The following ARVCF variants were observed in gnomAD, a reference collection of about 807,000 sequenced individuals.
ARVCF encodes the protein ARVCF delta catenin family member.
ARVCF carries 66 observed loss-of-function variants against 90.9 expected under a neutral mutation model. The observed-to-expected ratio is 0.73, with a 90% CI of 0.60 to 0.89. The LOEUF (loss-of-function observed/expected upper bound fraction) is 0.89. Ranked by LOEUF, ARVCF falls within the 40% of genes least tolerant of loss-of-function variation. ARVCF has a pLI of 0.00. For missense variants in ARVCF, 1,469 were observed against 1,382.3 expected, an observed-to-expected ratio of 1.06 and a Z score of -1.00; for synonymous variants, 653 against 603.4, an observed-to-expected ratio of 1.08 and a Z score of -1.21.
downstream of ARVCF, among the ~76,000 whole-genome samples, chr22:19,968,358 C>G (rs764015642): frequency 6.6e-6 from 1 of 152,210 alleles, no homozygotes; most frequent in South Asian, 2.1e-4. Context: ...AGGTGGCACC[C>G]AAGTCTTGTA....
chr22:19,995,235 G>A (rs970945202), intron 2 of ARVCF, among the ~76,000 whole-genome samples: 2 of 152,010 alleles, frequency 1.3e-5, no homozygotes, highest in Non-Finnish European at 2.9e-5. Flanking sequence ...TGGCTAGTTG[G>A]ATGGGAAGGT....
chr22:20,016,080 C>G (rs1945107720), intron 1 of ARVCF, among the ~76,000 whole-genome samples: 1 of 152,138 alleles, frequency 6.6e-6, no homozygotes, highest in Non-Finnish European at 1.5e-5. Flanking sequence ...CTCTCTCACC[C>G]CCGAGGCGGC....
chr22:19,967,076 C>T (rs1428696713), downstream of ARVCF: 26 of 1,225,622 alleles, frequency 2.1e-5, no homozygotes, highest in Non-Finnish European at 2.5e-5. Context: ...TGACCAGTTT[C>T]GTAAAGGAGT....
Position 19,973,255 on chromosome 22 carries a change from C to T in ARVCF, c.2302G>A (p.Gly768Arg), listed in dbSNP as rs1397988268. Residue 768 changes from glycine (G) to arginine (R), a missense_variant, in exon 14 of 20, where the codon GGG becomes AGG. Transcript: ENST00000263207. ...ACGGTGTCTTCCTCCAGGCAGGCCC[C>T]CGGTCGCGGCGGAGCCTGTGCATTG... is the stretch of plus-strand genomic sequence containing the variant. ...VRNAQAPPRP[G>R]ACLEEDTVVA... 1.2e-6 allele frequency: 2 copies of T among 1,609,592 alleles called. No homozygotes were observed. The highest frequency in any genetic ancestry group is 1.7e-5 in the Admixed American group (1 of 59,772).
intron 2 of ARVCF, among the ~76,000 whole-genome samples, chr22:19,992,169 G>T (rs1944053536): frequency 6.6e-6 from 1 of 152,210 alleles, no homozygotes; most frequent in African/African-American, 2.4e-5. Flanking sequence ...CGACAGCTGG[G>T]AAAACAGGCC....
chr22:20,006,166 T>G (rs1944617640), intron 2 of ARVCF, among the ~76,000 whole-genome samples: 1 of 152,204 alleles, frequency 6.6e-6, no homozygotes, highest in Admixed American at 6.5e-5. Flanking sequence ...AAAAAAGTTC[T>G]GAAATTGGTT....
chr22:19,995,463 G>A (rs982471468), intron 2 of ARVCF, among the ~76,000 whole-genome samples: 21 of 152,178 alleles, frequency 1.4e-4, no homozygotes, highest in African/African-American at 4.8e-4. Context: ...GCCCCGGCCC[G>A]CAAACCCTCT....
chr22:20,007,069 C>T (rs1387016450), intron 2 of ARVCF, among the ~76,000 whole-genome samples: 1 of 151,536 alleles, frequency 6.6e-6, no homozygotes, highest in Non-Finnish European at 1.5e-5. Context: ...ACCTGGGCAA[C>T]ATGGCACAAC....
chr22:19,978,169 G>A lies in ARVCF; in HGVS notation c.1581-94C>T, dbSNP rs1943269904. The A allele has an allele frequency of 1.6e-5, 18 of 1,128,390 alleles. No homozygotes were observed. The East Asian group carries it at 4.5e-4, about 28-fold the overall frequency. The allele number at this position is 1,128,390 out of a possible 1,614,324, so 69.9% of individuals were successfully genotyped here. A position where few individuals can be genotyped will look rare whatever the true frequency, so the allele number is the denominator to read the frequency against. On this transcript the variant is annotated intron_variant, in intron 7 of 19. Coordinates refer to ENST00000263207, the MANE Select transcript of ARVCF (RefSeq NM_001670.3). ...TGGGCTTGTCTTCATCTGCAAAATA[G>A]GCCCTGCTGCTGCCCTCCTAGCACT...
chr22:19,993,498 G>T (rs1944107889), intron 2 of ARVCF, among the ~76,000 whole-genome samples: 1 of 152,216 alleles, frequency 6.6e-6, no homozygotes, highest in African/African-American at 2.4e-5. Context: ...GAGGGCCCTG[G>T]GGGAAGGCTA....
chr22:19,966,779 C>CT (rs1942421955), downstream of ARVCF, among the ~76,000 whole-genome samples: 4 of 149,062 alleles, frequency 2.7e-5, no homozygotes, highest in South Asian at 8.5e-4. Flanking sequence ...GTCTCTCGCT[C>CT]TGTCGCCCAG....
Position 19,977,874 on chromosome 22 carries a change from G to A in ARVCF, c.1698+84C>T, listed in dbSNP as rs749738414. 6 of 1,443,482 alleles carry A rather than the reference G, an allele frequency of 4.2e-6. No homozygotes were observed. In the Admixed American group the frequency reaches 1.2e-4, roughly 30 times the overall value. 89.4% of individuals were successfully genotyped at this position (1,443,482 alleles called of 1,614,324 possible). ...CAGACCCACAAGCCCATTCCCCTGT[G>A]CTGCTCCCACAGTTCCAGCCTCCTG... On this transcript the variant is annotated intron_variant, in intron 8 of 19. Coordinates refer to ENST00000263207, the MANE Select transcript of ARVCF (RefSeq NM_001670.3).
intron 2 of ARVCF, among the ~76,000 whole-genome samples, chr22:19,999,970 G>A (rs1944387778): frequency 6.6e-6 from 1 of 152,188 alleles, no homozygotes; most frequent in Non-Finnish European, 1.5e-5. Context: ...GCACTGGAAG[G>A]GGCAGAACGA....
At chr22:19,985,533 G>C (rs888503893) in intron 3 of ARVCF, among the ~76,000 whole-genome samples, 2 of 152,266 alleles carry the variant, frequency 1.3e-5, no homozygotes, top group Non-Finnish European at 2.9e-5. Context: ...AGGTGAGAAG[G>C]ACAGAGGGGG....
At chr22:19,988,914 T>C (rs1023696077) in intron 3 of ARVCF, among the ~76,000 whole-genome samples, 1 of 151,884 alleles carries the variant, frequency 6.6e-6, no homozygotes, top group African/African-American at 2.4e-5. Context: ...TAGCCTGAGG[T>C]CTTGAAGTCT....
Position 19,973,277 on chromosome 22 carries a change from A to G in ARVCF, c.2280T>C (p.Asn760=), listed in dbSNP as rs1253358948. Residue 760 remains asparagine, a synonymous_variant, in exon 14 of 20, where the codon AAT becomes AAC. Coordinates refer to ENST00000263207, the MANE Select transcript of ARVCF (RefSeq NM_001670.3). The part of the protein sequence containing the change: ...AMAELVRNVR[N]AQAPPRPGAC... ...CCCCCGGTCGCGGCGGAGCCTGTGC[A>G]TTGCGCACATTCCGCACAAGCTCAG... 1.9e-6 allele frequency: 3 copies of G among 1,607,466 alleles called. No homozygotes were observed. The highest frequency in any genetic ancestry group is 2.2e-5 in the South Asian group (2 of 90,358).
intron 3 of ARVCF, among the ~76,000 whole-genome samples, chr22:19,986,434 A>G (rs562001801): frequency 1.1e-4 from 17 of 152,068 alleles, no homozygotes; most frequent in Admixed American, 8.5e-4. Flanking sequence ...CCCCACCTCA[A>G]TGCTGAGAGG....
At chr22:19,995,936 G>A (rs576199906) in intron 2 of ARVCF, among the ~76,000 whole-genome samples, 3 of 152,346 alleles carry the variant, frequency 2.0e-5, no homozygotes, top group Admixed American at 6.5e-5. Context: ...TTCTGCCTGG[G>A]AGGACATCCT....
At chr22:19,973,430 T>C in intron 13 of ARVCF, 113 bp from the exon 14 acceptor site, 7 of 1,348,050 alleles carry the variant, frequency 5.2e-6, no homozygotes, top group South Asian at 1.5e-5. Context: ...AGACCGCCTG[T>C]GTGCAGGCGG....
Sources: gnomAD v4.1 joint callset for allele counts (sites outside exome capture counted in the v4.1 genomes callset) on GRCh38, gnomAD v4.1.1 for gene constraint, MANE v1.5 for transcripts, NCBI Gene and HGNC (gene_info 2026-07-23, HGNC 2026-07-21) for gene names.